C16orf90: variants seen among roughly 807,000 people sequenced by gnomAD.
The protein encoded by C16orf90 is chromosome 16 open reading frame 90.
C16orf90 carries 17 observed loss-of-function variants against 17.1 expected under a neutral mutation model. That is an observed-to-expected ratio of 1.00 (90% CI 0.68 to 1.49). C16orf90 has a LOEUF of 1.49. Ranked by LOEUF, C16orf90 falls within the 40% of genes most tolerant of loss-of-function variation. C16orf90 has a pLI of 0.00. For missense variants in C16orf90, 255 were observed against 235.5 expected (o/e 1.08, Z -0.54); for synonymous variants, 108 against 95.8 (o/e 1.13, Z -0.75).
At position 3,495,430 on chromosome 16, in the gene C16orf90, A is replaced by G; in HGVS notation, c.-9T>C. 2 of 1,609,780 alleles carry G rather than the reference A, an allele frequency of 1.2e-6. No individual in the cohort carries two copies. Among genetic ancestry groups the G allele is most frequent in the Non-Finnish European group, 1.7e-6 (2 of 1,177,990 alleles). ...CAGACCAAGGCTTCCATGGAGGGCCAGTGTGGTGGGGAGGAGCAACCAGGA... is the reference window on the plus strand; with the variant it reads ...CAGACCAAGGCTTCCATGGAGGGCCGGTGTGGTGGGGAGGAGCAACCAGGA... On this transcript the variant is annotated 5_prime_UTR_variant, in exon 1 of 3. Coordinates refer to ENST00000437192, the MANE Select transcript of C16orf90 (RefSeq NM_001080524.2).
chr16:3,494,080 A>G (rs1387262922), intron 2 of C16orf90, 93 bp from the exon 3 acceptor site: 1 of 1,111,972 alleles, frequency 9.0e-7, no homozygotes, highest in Non-Finnish European at 1.3e-6. Flanking sequence ...CCAGAATCCG[A>G]TATTCTTGAA....
chr16:3,495,657 C>T (rs2037299273), upstream of C16orf90, among the ~76,000 whole-genome samples: 1 of 152,222 alleles, frequency 6.6e-6, no homozygotes, highest in Non-Finnish European at 1.5e-5. Flanking sequence ...GTCCCTGGTC[C>T]CTCTGGCTGG....
chr16:3,496,141 A>AG, upstream of C16orf90: 1 of 150,880 alleles, frequency 6.6e-6, no homozygotes, highest in East Asian at 1.8e-4. Flanking sequence ...ACTCCGTCTC[A>AG]AAAAAAAAAA....
rs373459930 is a variant in C16orf90 at position 3,494,560 on chromosome 16, C to T, written c.364G>A (p.Glu122Lys). ...AGGCTGTCCCTGGGCAATCGGGCTT[C>T]CAGAAGGGCTGAACAGAGGCTGTTA... ...PRNSLCSALL[E>K]ARLPRDSLGS... The change falls in exon 2 of 3, where the codon GAA (glutamate) becomes AAA (lysine). Residue 122 changes from glutamate (E) to lysine (K), a missense_variant. Physicochemically the swap from Glu to Lys is moderately conservative, Grantham distance 56. Coordinates refer to ENST00000437192, the MANE Select transcript of C16orf90 (RefSeq NM_001080524.2). 1 of 1,612,878 alleles carries T rather than the reference C, an allele frequency of 6.2e-7. No individual in the cohort carries two copies. Among genetic ancestry groups the T allele is most frequent in the Non-Finnish European group, 8.5e-7 (1 of 1,179,856 alleles).
chr16:3,493,957 C>T lies in C16orf90; in HGVS notation c.431G>A (p.Gly144Asp), dbSNP rs773502956. The T allele has an allele frequency of 5.6e-6, 9 of 1,610,472 alleles. No homozygotes were observed. In the Admixed American group the frequency reaches 8.4e-5, roughly 15 times the overall value. The change falls in exon 3 of 3, where the codon GGT (glycine) becomes GAT (aspartate). Residue 144 changes from glycine (G) to aspartate (D), a missense_variant. By Grantham distance (94) the Gly-to-Asp change is moderately conservative (BLOSUM62 -1). Coordinates refer to ENST00000437192, the MANE Select transcript of C16orf90 (RefSeq NM_001080524.2). ...AGAAGGACTAGGCTGGGGGAGGGCA[C>T]CCTTGTCTGGGTCCATGCTGGAACT... ...ASSSSMDPDK[G>D]ALPQPSPSRL...
upstream of C16orf90, chr16:3,495,518 C>A: frequency 6.5e-7 from 1 of 1,547,572 alleles, no homozygotes; most frequent in South Asian, 1.2e-5. Context: ...TCTCCCCTGG[C>A]AACTGGTTCT....
Position 3,493,906 on chromosome 16 carries a change from C to A in C16orf90, c.482G>T (p.Gly161Val). 1 of 1,608,904 alleles carries A rather than the reference C, an allele frequency of 6.2e-7. No individual in the cohort carries two copies. The highest frequency in any genetic ancestry group is 8.5e-7 in the Non-Finnish European group (1 of 1,177,766). Reference protein sequence around the residue: ...PSRLRPKRSWGTWEEAMCPLC... With the variant: ...PSRLRPKRSWVTWEEAMCPLC... The stretch of plus-strand genomic sequence containing the variant: ...GGGACACATGGCCTCTTCCCAGGTC[C>A]CCCAGGACCTCTTGGGCCTGAGCCT... The change falls in exon 3 of 3, where the codon GGG (glycine) becomes GTG (valine). Residue 161 changes from glycine to valine, a missense_variant. Coordinates refer to ENST00000437192, the MANE Select transcript of C16orf90 (RefSeq NM_001080524.2).
At chr16:3,495,830 G>A (rs925983753), upstream of C16orf90, among the ~76,000 whole-genome samples, 1 of 152,184 alleles carries the variant, frequency 6.6e-6, no homozygotes, top group Non-Finnish European at 1.5e-5. Context: ...AAGGGGCTGG[G>A]GGCGGTGGCT....
upstream of C16orf90, among the ~76,000 whole-genome samples, chr16:3,495,670 T>A (rs2037299429): frequency 6.6e-6 from 1 of 152,078 alleles, no homozygotes; most frequent in Admixed American, 6.6e-5. Flanking sequence ...CTGGCTGGGG[T>A]CAGGCCACAT....
At chr16:3,495,042 C>T (rs1439557887) in intron 1 of C16orf90, among the ~76,000 whole-genome samples, 165 bp from the exon 2 acceptor site, 1 of 152,194 alleles carries the variant, frequency 6.6e-6, no homozygotes, top group Non-Finnish European at 1.5e-5. Context: ...ACTGCCTCCC[C>T]TGCCCATGCC....
chr16:3,494,365 C>T (rs572128595), intron 2 of C16orf90, among the ~76,000 whole-genome samples, 159 bp downstream of exon 2: 1 of 152,162 alleles, frequency 6.6e-6, no homozygotes, highest in Non-Finnish European at 1.5e-5. Context: ...CTTAGCTGTG[C>T]GTGATGCAGA....
upstream of C16orf90, chr16:3,496,472 C>T (rs879129646): frequency 1.2e-6 from 1 of 814,786 alleles, no homozygotes; most frequent in Non-Finnish European, 2.0e-6. Flanking sequence ...TAACGGATGA[C>T]GCGAGGGTTC....
At chr16:3,495,490 A>G (rs747965891), upstream of C16orf90, 10 of 1,575,278 alleles carry the variant, frequency 6.3e-6, no homozygotes, top group Admixed American at 1.8e-4. Flanking sequence ...TCCCCTGCCT[A>G]GGGGGTACAT....
At chr16:3,496,376 C>A, upstream of C16orf90, 1 of 1,182,736 alleles carries the variant, frequency 8.5e-7, no homozygotes, top group Non-Finnish European at 1.2e-6. Flanking sequence ...TCGCACCAAC[C>A]GGCCACCTCT....
chr16:3,496,374 ACCGG>A, upstream of C16orf90: 1 of 1,130,788 alleles, frequency 8.8e-7, no homozygotes, highest in Non-Finnish European at 1.3e-6. Context: ...AGTCGCACCA[ACCGG>A]CCACCTCTGT....
chr16:3,494,485 G>A lies in C16orf90; in HGVS notation c.400+39C>T, dbSNP rs758667263. The A allele has an allele frequency of 1.9e-6, 3 of 1,562,686 alleles. No individual in the cohort carries two copies. In the Admixed American group the frequency reaches 5.3e-5, roughly 27 times the overall value. On this transcript the variant is annotated intron_variant, in intron 2 of 2. Transcript: ENST00000437192. Reference sequence around the variant, plus strand: ...GGCCCCAGCCCAACCATCCCCTAGGGTCTTCCCCCGTGCCCAGTCCTGCCT... The same window carrying A: ...GGCCCCAGCCCAACCATCCCCTAGGATCTTCCCCCGTGCCCAGTCCTGCCT...
chr16:3,495,820 A>AC (rs1280470699), upstream of C16orf90, among the ~76,000 whole-genome samples: 19 of 152,198 alleles, frequency 1.2e-4, no homozygotes, highest in Admixed American at 3.3e-4. Context: ...AAATGCTGAA[A>AC]AGGGGCTGGG....
Position 3,493,691 on chromosome 16 carries a change from A to G in C16orf90, c.*148T>C. On this transcript the variant is annotated 3_prime_UTR_variant, in exon 3 of 3. Transcript: ENST00000437192. The stretch of plus-strand genomic sequence containing the variant: ...TCCTCCTCCTCCCTCTCCCCATCAC[A>G]TTCTCCCGAGGCCCAGGCCTGGGCG... 1 of 623,132 alleles carries G rather than the reference A, an allele frequency of 1.6e-6. No homozygotes were observed. The highest frequency in any genetic ancestry group is 2.8e-5 in the East Asian group (1 of 35,396). 38.6% of individuals were successfully genotyped at this position (623,132 alleles called of 1,614,324 possible). A position where few individuals can be genotyped will look rare whatever the true frequency, so the allele number is the denominator to read the frequency against.
At chr16:3,496,390 C>A, upstream of C16orf90, 1 of 1,103,446 alleles carries the variant, frequency 9.1e-7, no homozygotes, top group Non-Finnish European at 1.3e-6. Context: ...CACCTCTGTC[C>A]GTTTCCCGGA....
Sources: allele counts gnomAD v4.1 joint callset (sites outside exome capture counted in the v4.1 genomes callset), GRCh38; gene constraint gnomAD v4.1.1; transcripts MANE v1.5; gene names NCBI Gene and HGNC (gene_info 2026-07-23, HGNC 2026-07-21).